DNASE2B: variants seen among roughly 807,000 people sequenced by gnomAD.
DNASE2B encodes deoxyribonuclease-2-beta.
A neutral mutation model predicts 46.0 loss-of-function variants in DNASE2B; 43 were observed. The observed-to-expected ratio is 0.94, with a 90% CI of 0.73 to 1.21. DNASE2B has a LOEUF of 1.21. Among genes scored for constraint, DNASE2B ranks in the 50% most tolerant of loss-of-function variants. DNASE2B has a pLI of 0.00. For synonymous variants in DNASE2B, 156 were observed against 152.5 expected (o/e 1.02, Z -0.17); for missense variants, 395 against 414.4 (o/e 0.95, Z 0.41).
chr1:84,402,172 C>T (rs951555106), intron 2 of DNASE2B, 94 bp downstream of exon 2: 10 of 1,283,324 alleles, frequency 7.8e-6, no homozygotes, highest in Non-Finnish European at 1.0e-5. Context: ...ACCCACCCAA[C>T]CCCCAATCCT....
intron 3 of DNASE2B, among the ~76,000 whole-genome samples, chr1:84,409,909 A>C (rs76542130): frequency 0.024 from 3,653 of 152,320 alleles, 64 homozygotes; most frequent in Non-Finnish European, 0.028. Flanking sequence ...CAGTTCTGTT[A>C]CACACAGAAC....
In DNASE2B at chr1:84,402,003, T is replaced by C. The variant is rs748625188; in HGVS notation, c.228T>C (p.Ser76=). ...CTACAACTAGAAGCTGGAGGAAGAG[T>C]GAGCAACTAATGAATGACACCAAGA... ...LDSTTRSWRK[S]EQLMNDTKSV... The change falls in exon 2 of 6, where the codon AGT becomes AGC. Residue 76 remains serine (S), a synonymous_variant. Transcript: ENST00000370665. 9 of 1,608,882 alleles carry C rather than the reference T, an allele frequency of 5.6e-6. No individual in the cohort carries two copies. In the African/African-American group the frequency reaches 8.1e-5, roughly 14 times the overall value.
rs2101845361 is a variant in DNASE2B at position 84,398,640 on chromosome 1, G to A, written c.76G>A (p.Gly26Arg). Residue 26 changes from glycine to arginine, a missense_variant, in exon 1 of 6, where the codon GGG becomes AGG. Coordinates refer to ENST00000370665, the MANE Select transcript of DNASE2B (RefSeq NM_021233.3). ...LLFLGLFGVL[G>R]AATISCRNEE... ...CTTCCTTGGCCTCTTTGGGGTGCTG[G>A]GGGCAGCAACAATTTCATGCAGAAA... The A allele has an allele frequency of 6.2e-7, 1 of 1,613,874 alleles. No individual in the cohort carries two copies. The highest frequency in any genetic ancestry group is 8.5e-7 in the Non-Finnish European group (1 of 1,179,822).
chr1:84,407,507 G>A (rs676987), intron 2 of DNASE2B, among the ~76,000 whole-genome samples: 80,381 of 151,848 alleles, frequency 0.53, 21,310 homozygotes, highest in East Asian at 0.61. Context: ...TTAAGCAACT[G>A]TGAGAGGCTT....
In DNASE2B at chr1:84,412,395, C is replaced by T. The variant is rs1680613763; in HGVS notation, c.594C>T (p.Ile198=). 6.2e-7 allele frequency: 1 copy of T among 1,612,168 alleles called. No individual in the cohort carries two copies. Among genetic ancestry groups the T allele is most frequent in the Non-Finnish European group, 8.5e-7 (1 of 1,178,966 alleles). Reference sequence around the variant, plus strand: ...ACCCCAACGTCTATAGCTGCTCCATCCCAGCCACCTTTCACCAGGAGCTCA... The same window carrying T: ...ACCCCAACGTCTATAGCTGCTCCATTCCAGCCACCTTTCACCAGGAGCTCA... ...VCNPNVYSCS[I]PATFHQELIH... Residue 198 remains isoleucine, a synonymous_variant, in exon 5 of 6, where the codon ATC becomes ATT. Transcript: ENST00000370665.
At chr1:84,399,645 G>A (rs982195408) in intron 1 of DNASE2B, among the ~76,000 whole-genome samples, 1 of 151,738 alleles carries the variant, frequency 6.6e-6, no homozygotes, top group African/African-American at 2.4e-5. Context: ...GGAGCAATGA[G>A]GAGGTAGAGA....
intron 2 of DNASE2B, among the ~76,000 whole-genome samples, chr1:84,405,841 T>G (rs1159947202): frequency 6.6e-6 from 1 of 152,214 alleles, no homozygotes; most frequent in Admixed American, 6.5e-5. Context: ...GACTTAGTAC[T>G]GCATATTTAT....
At chr1:84,404,782 T>A (rs555650055) in intron 2 of DNASE2B, among the ~76,000 whole-genome samples, 32 of 152,184 alleles carry the variant, frequency 2.1e-4, no homozygotes, top group Non-Finnish European at 4.3e-4. Context: ...CAGGCCTTCT[T>A]ATTGTACAAC....
chr1:84,412,532 A>T lies in DNASE2B; in HGVS notation c.731A>T (p.Asp244Val), dbSNP rs759428794. The T allele has an allele frequency of 1.5e-5, 24 of 1,610,460 alleles. No individual in the cohort carries two copies. The highest frequency in any genetic ancestry group is 2.0e-5 in the Non-Finnish European group (24 of 1,177,984). Residue 244 changes from aspartate (D) to valine (V), a missense_variant, in exon 5 of 6, where the codon GAT becomes GTT. Asp to Val is a radical substitution (Grantham distance 152). Coordinates refer to ENST00000370665, the MANE Select transcript of DNASE2B (RefSeq NM_021233.3). ...AAATTCCTCCATTTTGCAAAGTCGGATTCTTTTCTTGACGGTATGAAAGAC... is the reference window on the plus strand; with the variant it reads ...AAATTCCTCCATTTTGCAAAGTCGGTTTCTTTTCTTGACGGTATGAAAGAC... ...GQKFLHFAKS[D>V]SFLDDIFAAW... is the part of the protein sequence containing the mutation.
chr1:84,403,104 T>C (rs1680448270), intron 2 of DNASE2B, among the ~76,000 whole-genome samples: 1 of 152,246 alleles, frequency 6.6e-6, no homozygotes, highest in East Asian at 1.9e-4. Context: ...ACATGTGATG[T>C]GCCAAGCACT....
At chr1:84,400,012 A>C (rs942179789) in intron 1 of DNASE2B, among the ~76,000 whole-genome samples, 9 of 152,196 alleles carry the variant, frequency 5.9e-5, no homozygotes, top group African/African-American at 2.2e-4. Flanking sequence ...AAAGAAGGAC[A>C]TGCTGAGAAG....
chr1:84,405,362 GC>G (rs1469000744), intron 2 of DNASE2B, among the ~76,000 whole-genome samples: 1 of 152,140 alleles, frequency 6.6e-6, no homozygotes, highest in Non-Finnish European at 1.5e-5. Context: ...AGGTTTTCAT[GC>G]CTACTGGCAT....
chr1:84,408,216 A>G, intron 2 of DNASE2B: 1 of 516,850 alleles, frequency 1.9e-6, no homozygotes, highest in Non-Finnish European at 2.9e-6. Flanking sequence ...GGCTCCTGTC[A>G]CATGAGTAAA....
At chr1:84,407,905 G>C (rs536174345) in intron 2 of DNASE2B, among the ~76,000 whole-genome samples, 1 of 152,058 alleles carries the variant, frequency 6.6e-6, no homozygotes, top group African/African-American at 2.4e-5. Flanking sequence ...CTCTCATAAT[G>C]GGAGGAAGGG....
chr1:84,412,016 A>G (rs1680606723), intron 4 of DNASE2B, among the ~76,000 whole-genome samples: 1 of 152,200 alleles, frequency 6.6e-6, no homozygotes, highest in Admixed American at 6.5e-5. Context: ...TACAAACTTC[A>G]TAATCTTGGG....
chr1:84,407,479 T>A (rs1052242556), intron 2 of DNASE2B, among the ~76,000 whole-genome samples: 1 of 152,008 alleles, frequency 6.6e-6, no homozygotes, highest in African/African-American at 2.4e-5. Context: ...GAAAAAAAAA[T>A]TTTATCACAT....
intron 3 of DNASE2B, among the ~76,000 whole-genome samples, chr1:84,409,671 C>T (rs760618726): frequency 5.3e-5 from 8 of 152,182 alleles, no homozygotes; most frequent in Admixed American, 1.3e-4. Context: ...TAACATGCTA[C>T]ATTCTTCAAC....
Position 84,415,006 on chromosome 1 carries a change from G to A in DNASE2B, c.*138G>A. 1 of 627,846 alleles carries A rather than the reference G, an allele frequency of 1.6e-6. No individual in the cohort carries two copies. Among genetic ancestry groups the A allele is most frequent in the South Asian group, 2.5e-5 (1 of 39,774 alleles). The allele number at this position is 627,846 out of a possible 1,614,324, so 38.9% of individuals were successfully genotyped here. The stretch of plus-strand genomic sequence containing the variant: ...ACAAAATAAAACATTTTTCTCTCAT[G>A]TTTACCATTTAATCTTCTATTTAAT... On this transcript the variant is annotated 3_prime_UTR_variant, in exon 6 of 6. Coordinates refer to ENST00000370665, the MANE Select transcript of DNASE2B (RefSeq NM_021233.3).
intron 1 of DNASE2B, among the ~76,000 whole-genome samples, chr1:84,401,459 G>A (rs1233889869): frequency 6.6e-6 from 1 of 152,204 alleles, no homozygotes; most frequent in Non-Finnish European, 1.5e-5. Flanking sequence ...TCAAGGCAGA[G>A]TATTCGGATA....
Sources: gnomAD v4.1 joint callset for allele counts (sites outside exome capture counted in the v4.1 genomes callset) on GRCh38, gnomAD v4.1.1 for gene constraint, MANE v1.5 for transcripts, NCBI Gene and HGNC (gene_info 2026-07-23, HGNC 2026-07-21) for gene names.